SGMS1: variants seen among roughly 807,000 people sequenced by gnomAD.
The protein encoded by SGMS1 is sphingomyelin synthase 1, also known as phosphatidylcholine:ceramide cholinephosphotransferase 1.
SGMS1 carries 13 observed loss-of-function variants against 46.2 expected under a neutral mutation model. The ratio of observed to expected loss-of-function variants is 0.28; its 90% CI spans 0.18 to 0.45. The LOEUF (loss-of-function observed/expected upper bound fraction) is 0.45. Ranked by LOEUF, SGMS1 falls within the 20% of genes least tolerant of loss-of-function variation. The pLI is 1.00. For missense variants in SGMS1, 324 were observed against 519.9 expected (o/e 0.62, Z 3.66); for synonymous variants, 203 against 187.8 (o/e 1.08, Z -0.66).
chr10:50,583,805 C>G (rs1029991291), intron 2 of SGMS1, among the ~76,000 whole-genome samples: 6 of 152,172 alleles, frequency 3.9e-5, no homozygotes, highest in African/African-American at 1.4e-4. Context: ...CCTATACTTT[C>G]AGTACTTTCC....
At chr10:50,623,052 C>A (rs1418157331) in intron 1 of SGMS1, among the ~76,000 whole-genome samples, 1 of 152,090 alleles carries the variant, frequency 6.6e-6, no homozygotes, top group African/African-American at 2.4e-5. Context: ...GGCAGCCCTG[C>A]GGGGTCTCAG....
intron 4 of SGMS1, among the ~76,000 whole-genome samples, chr10:50,464,885 G>C (rs529222760): frequency 3.3e-4 from 50 of 152,336 alleles, no homozygotes; most frequent in Non-Finnish European, 7.3e-4. Flanking sequence ...TCACCTGGTA[G>C]AGCCAAACAA....
chr10:50,479,437 A>G (rs1272357705), intron 3 of SGMS1, among the ~76,000 whole-genome samples: 1 of 152,246 alleles, frequency 6.6e-6, no homozygotes, highest in Non-Finnish European at 1.5e-5. Context: ...AAGGCAAAAC[A>G]GAAATCTAGC....
intron 5 of SGMS1, among the ~76,000 whole-genome samples, chr10:50,459,562 C>T (rs1471142659): frequency 6.6e-6 from 1 of 152,136 alleles, no homozygotes; most frequent in Non-Finnish European, 1.5e-5. Context: ...CGCCACCATG[C>T]CCGGCTAATT....
Position 50,391,988 on chromosome 10 carries a change from A to G in SGMS1, c.-232+41488T>C, listed in dbSNP as rs557380796. ...TAAGTGGAAGCTAAACACTGAGTAC[A>G]CACGGACAGAAAGAAGGGAACAACA... On this transcript the variant is annotated intron_variant, in intron 6 of 10. Coordinates refer to ENST00000361781, the MANE Select transcript of SGMS1 (RefSeq NM_147156.4). Among the ~76,000 whole-genome samples, 4 of 152,228 alleles carry G rather than the reference A, an allele frequency of 2.6e-5. No individual in the cohort carries two copies. In the East Asian group the frequency reaches 7.7e-4, roughly 29 times the overall value.
At chr10:50,533,664 CT>C (rs1229647308) in intron 2 of SGMS1, among the ~76,000 whole-genome samples, 1 of 151,892 alleles carries the variant, frequency 6.6e-6, no homozygotes, top group Admixed American at 6.6e-5. Flanking sequence ...ACACATTTTT[CT>C]TAATTATGTT....
At chr10:50,544,400 C>G (rs186940694) in intron 2 of SGMS1, among the ~76,000 whole-genome samples, 6 of 152,310 alleles carry the variant, frequency 3.9e-5, no homozygotes, top group Non-Finnish European at 7.4e-5. Context: ...ATATTTAATG[C>G]TACATTAACC....
At chr10:50,572,079 G>A (rs1423421678) in intron 2 of SGMS1, among the ~76,000 whole-genome samples, 2 of 152,188 alleles carry the variant, frequency 1.3e-5, no homozygotes, top group Admixed American at 1.3e-4. Flanking sequence ...TAGCTAGGAA[G>A]AGAATTGCAT....
chr10:50,385,284 C>T (rs7077375), intron 6 of SGMS1, among the ~76,000 whole-genome samples: 9,145 of 152,076 alleles, frequency 0.06, 635 homozygotes, highest in African/African-American at 0.17. Flanking sequence ...TTTTACAGGT[C>T]CTAGAAAACA....
At chr10:50,537,044 A>G (rs1197651448) in intron 2 of SGMS1, among the ~76,000 whole-genome samples, 1 of 152,204 alleles carries the variant, frequency 6.6e-6, no homozygotes, top group Non-Finnish European at 1.5e-5. Context: ...CAGGCCTTCC[A>G]GGGAAAACAG....
intron 8 of SGMS1, among the ~76,000 whole-genome samples, chr10:50,324,975 G>C (rs933553933): frequency 2.0e-5 from 3 of 152,138 alleles, no homozygotes; most frequent in African/African-American, 7.2e-5. Flanking sequence ...GTAAAAAAAG[G>C]AAAAGCATTT....
chr10:50,488,956 A>G (rs541937580), intron 3 of SGMS1, among the ~76,000 whole-genome samples: 1 of 152,318 alleles, frequency 6.6e-6, no homozygotes, highest in African/African-American at 2.4e-5. Flanking sequence ...GAGATTAAAG[A>G]TGCTTTTTAA....
Position 50,525,742 on chromosome 10 carries a change from C to T in SGMS1, c.-588-5821G>A, listed in dbSNP as rs535110633. On this transcript the variant is annotated intron_variant, in intron 2 of 10. Coordinates refer to ENST00000361781, the MANE Select transcript of SGMS1 (RefSeq NM_147156.4). Reference sequence around the variant, plus strand: ...TACCATCATTTTAAGCACTACTCTGCTATGAGCAATGGATAGCATTTTTCC... The same window carrying T: ...TACCATCATTTTAAGCACTACTCTGTTATGAGCAATGGATAGCATTTTTCC... 2.6e-5 allele frequency among the ~76,000 whole-genome samples: 4 copies of T among 152,328 alleles called. No individual in the cohort carries two copies. In the South Asian group the frequency reaches 8.3e-4, roughly 32 times the overall value.
intron 6 of SGMS1, among the ~76,000 whole-genome samples, chr10:50,425,397 A>G (rs1849312242): frequency 6.6e-6 from 1 of 152,242 alleles, no homozygotes; most frequent in South Asian, 2.1e-4. Context: ...CATACATGCC[A>G]TGGAATACTA....
At chr10:50,580,260 C>A (rs910588931) in intron 2 of SGMS1, among the ~76,000 whole-genome samples, 1 of 151,958 alleles carries the variant, frequency 6.6e-6, no homozygotes, top group African/African-American at 2.4e-5. Context: ...ACTATGGAAT[C>A]CTTTAAAAAA....
At position 50,563,675 on chromosome 10, in the gene SGMS1, G is replaced by A. The variant is rs1043565261; in HGVS notation, c.-589+26478C>T. Among the ~76,000 whole-genome samples, 128 of 147,406 alleles carry A rather than the reference G, an allele frequency of 8.7e-4. No individual in the cohort carries two copies. In the East Asian group the frequency reaches 0.018, roughly 20 times the overall value. Reference sequence around the variant, plus strand: ...GGAGAATGGCGTGAACCCGGGAGGCGGAGCTTGCAGTGAGCCGAGATCCCG... The same window carrying A: ...GGAGAATGGCGTGAACCCGGGAGGCAGAGCTTGCAGTGAGCCGAGATCCCG... On this transcript the variant is annotated intron_variant, in intron 2 of 10. Coordinates refer to ENST00000361781, the MANE Select transcript of SGMS1 (RefSeq NM_147156.4).
intron 2 of SGMS1, among the ~76,000 whole-genome samples, chr10:50,540,564 A>G (rs186646623): frequency 6.6e-6 from 1 of 152,372 alleles, no homozygotes; most frequent in East Asian, 1.9e-4. Flanking sequence ...TTCTCTGACA[A>G]AATGAGATTT....
At chr10:50,447,420 G>T (rs903182050) in intron 5 of SGMS1, among the ~76,000 whole-genome samples, 6 of 151,832 alleles carry the variant, frequency 4.0e-5, no homozygotes, top group African/African-American at 1.5e-4. Flanking sequence ...CCTTACTTGG[G>T]GAAAATGTAT....
chr10:50,368,232 A>T (rs1401088616), intron 6 of SGMS1, among the ~76,000 whole-genome samples: 4 of 152,262 alleles, frequency 2.6e-5, no homozygotes, highest in African/African-American at 9.6e-5. Context: ...ATACAAGACC[A>T]TATCTAGGAC....
Sources: gnomAD v4.1 joint callset for allele counts (sites outside exome capture counted in the v4.1 genomes callset) on GRCh38, gnomAD v4.1.1 for gene constraint, MANE v1.5 for transcripts, NCBI Gene and HGNC (gene_info 2026-07-23, HGNC 2026-07-21) for gene names.